The following GSG1L2 variants were observed in gnomAD, a reference collection of about 807,000 sequenced individuals.
GSG1L2 encodes the protein GSG1 like 2, also known as germ cell-specific gene 1-like protein 2.
In GSG1L2, 15 loss-of-function variants were observed where a neutral mutation model predicts 9.0. The ratio of observed to expected loss-of-function variants is 1.67; its 90% CI spans 1.12 to 2.57. GSG1L2 has a LOEUF of 2.57. Among genes scored for constraint, GSG1L2 ranks in the 30% most tolerant of loss-of-function variants. GSG1L2 has a pLI of 0.00. For missense variants in GSG1L2, 286 were observed against 150.3 expected (o/e 1.90, Z -4.72); for synonymous variants, 127 against 57.9 (o/e 2.19, Z -5.41).
In GSG1L2 at chr17:9,801,796, C is replaced by T. The variant is rs926861740; in HGVS notation, c.*590G>A. Among the ~76,000 whole-genome samples, 6 of 152,124 alleles carry T rather than the reference C, an allele frequency of 3.9e-5. No homozygotes were observed. The highest frequency in any genetic ancestry group is 6.5e-5 in the Admixed American group (1 of 15,278). Reference sequence around the variant, plus strand: ...TGACTGTGTTTTCATTTCTATCATTCGACTGTCCTTCCAAACTGATTTTAC... The same window carrying T: ...TGACTGTGTTTTCATTTCTATCATTTGACTGTCCTTCCAAACTGATTTTAC... On this transcript the variant is annotated 3_prime_UTR_variant, in exon 5 of 5. Transcript: ENST00000399363.
intron 1 of GSG1L2, among the ~76,000 whole-genome samples, chr17:9,816,884 G>GTGTGTGTGTCTC (rs1567711543): frequency 2.1e-3 from 82 of 38,266 alleles, no homozygotes; most frequent in Admixed American, 6.8e-3. Flanking sequence ...GTGTGTATCT[G>GTGTGTGTGTCTC]TGTGTGTGTA....
chr17:9,816,769 GT>G (rs2066566661), intron 1 of GSG1L2, among the ~76,000 whole-genome samples: 2 of 104,608 alleles, frequency 1.9e-5, no homozygotes, highest in Non-Finnish European at 3.7e-5. Flanking sequence ...GTGTCTGTGT[GT>G]GCGTGTGTGT....
Position 9,820,661 on chromosome 17 carries a change from CTTT to C in GSG1L2, c.310+1098_310+1100del, listed in dbSNP as rs10711046. Among the ~76,000 whole-genome samples the C allele has an allele frequency of 1.6e-4, 23 of 142,852 alleles. No individual in the cohort carries two copies. The highest frequency in any genetic ancestry group is 2.1e-4 in the Non-Finnish European group (14 of 65,716). 93.7% of individuals were successfully genotyped at this position (142,852 alleles called of 152,430 possible). A position where few individuals can be genotyped will look rare whatever the true frequency, so the allele number is the denominator to read the frequency against. On this transcript the variant is annotated intron_variant, in intron 1 of 4. Coordinates refer to ENST00000399363, the MANE Select transcript of GSG1L2 (RefSeq NM_001310219.2). This position sits in a 1 kb window ranked among gnomAD's most constrained non-coding sequence, Gnocchi z 4.9. Reference sequence around the variant, plus strand: ...GGACATACAGCACCTCTGAGTGTTCCTTTTTTTTTTTTTTTAATTTGAGACAGG... The same window carrying C: ...GGACATACAGCACCTCTGAGTGTTCCTTTTTTTTTTTTAATTTGAGACAGG...
At chr17:9,819,006 C>T (rs886633666) in intron 1 of GSG1L2, among the ~76,000 whole-genome samples, 1 of 152,198 alleles carries the variant, frequency 6.6e-6, no homozygotes, top group African/African-American at 2.4e-5. Flanking sequence ...AGTGAATTCA[C>T]TCTGCACTGT....
intron 1 of GSG1L2, among the ~76,000 whole-genome samples, chr17:9,812,235 G>A (rs1269486236): frequency 6.6e-6 from 1 of 152,188 alleles, no homozygotes; most frequent in Non-Finnish European, 1.5e-5. Context: ...AACAGAGGGA[G>A]TTTAGGGAGC....
chr17:9,807,458 C>T, intron 4 of GSG1L2, 32 bp downstream of exon 4: 1 of 702,516 alleles, frequency 1.4e-6, no homozygotes, highest in Non-Finnish European at 2.6e-6. Flanking sequence ...CCTGATCCTC[C>T]AGGACTTCAG....
At chr17:9,804,994 G>C (rs952950309) in intron 4 of GSG1L2, 5 of 151,968 alleles carry the variant, frequency 3.3e-5, no homozygotes, top group Non-Finnish European at 1.5e-5. Flanking sequence ...GGAAGAGCTT[G>C]GAAAATTAAA....
intron 3 of GSG1L2, among the ~76,000 whole-genome samples, chr17:9,808,313 TCTTTA>T (rs1369559218): frequency 1.3e-5 from 2 of 152,144 alleles, no homozygotes; most frequent in Non-Finnish European, 2.9e-5. Context: ...AAAAAGGAGT[TCTTTA>T]TTTTTATGGA....
chr17:9,809,179 G>T, intron 2 of GSG1L2, 197 bp from the exon 3 acceptor site: 2 of 557,044 alleles, frequency 3.6e-6, no homozygotes. Context: ...CGGTTGTAGG[G>T]ATTGCCCGTA....
intron 2 of GSG1L2, 187 bp from the exon 3 acceptor site, chr17:9,809,169 C>T (rs2066528502): frequency 1.2e-5 from 6 of 511,504 alleles, no homozygotes; most frequent in South Asian, 8.2e-5. Flanking sequence ...CTGAAAGAGA[C>T]GGTTGTAGGG....
chr17:9,821,696 G>T (rs2152025575), intron 1 of GSG1L2, 66 bp downstream of exon 1: 1 of 676,220 alleles, frequency 1.5e-6, no homozygotes, highest in South Asian at 1.6e-5. Flanking sequence ...AACCCAGACA[G>T]CCTGGCTCCA....
chr17:9,808,798 C>A, intron 3 of GSG1L2, 32 bp downstream of exon 3: 1 of 701,568 alleles, frequency 1.4e-6, no homozygotes, highest in Non-Finnish European at 2.6e-6. Flanking sequence ...CCCTCTGGGG[C>A]AGCCTGTTCC....
intron 1 of GSG1L2, among the ~76,000 whole-genome samples, chr17:9,812,509 G>C (rs1282480649): frequency 1.3e-5 from 2 of 152,184 alleles, no homozygotes; most frequent in African/African-American, 4.8e-5. Context: ...AATTACCATA[G>C]ATGGGGTGGT....
chr17:9,805,905 A>C (rs984701953), intron 4 of GSG1L2, among the ~76,000 whole-genome samples: 1 of 152,154 alleles, frequency 6.6e-6, no homozygotes, highest in Admixed American at 6.5e-5. Flanking sequence ...CTTACGGAGA[A>C]CATTTCTGAT....
chr17:9,810,701 G>A (rs957218575), intron 1 of GSG1L2, 83 bp from the exon 2 acceptor site: 2 of 698,022 alleles, frequency 2.9e-6, no homozygotes, highest in Non-Finnish European at 5.2e-6. Context: ...CCCCTTAACT[G>A]GATGAGGAAT....
intron 1 of GSG1L2, 84 bp from the exon 2 acceptor site, chr17:9,810,702 G>T (rs989173757): frequency 4.3e-6 from 3 of 697,486 alleles, no homozygotes; most frequent in Admixed American, 4.0e-5. Flanking sequence ...CCCTTAACTG[G>T]ATGAGGAATG....
At chr17:9,818,137 A>G (rs928066299) in intron 1 of GSG1L2, among the ~76,000 whole-genome samples, 2 of 151,992 alleles carry the variant, frequency 1.3e-5, no homozygotes, top group Non-Finnish European at 2.9e-5. Context: ...TAAAGAAAAA[A>G]CTTTTAATTG....
intron 1 of GSG1L2, among the ~76,000 whole-genome samples, chr17:9,812,397 C>A (rs76632595): frequency 0.017 from 2,545 of 152,262 alleles, 32 homozygotes; most frequent in East Asian, 0.07. Flanking sequence ...CTCTCCATCA[C>A]CCTGACTTCC....
At chr17:9,821,723 C>A in intron 1 of GSG1L2, 39 bp downstream of exon 1, 1 of 696,058 alleles carries the variant, frequency 1.4e-6, no homozygotes, top group South Asian at 1.5e-5. Context: ...CTGCCCCATC[C>A]CGCACCTGTC....
Sources: allele counts gnomAD v4.1 joint callset (sites outside exome capture counted in the v4.1 genomes callset), GRCh38; gene constraint gnomAD v4.1.1; non-coding constraint Gnocchi (gnomAD v3.1); transcripts MANE v1.5; gene names NCBI Gene and HGNC (gene_info 2026-07-23, HGNC 2026-07-21).